SNTG1: variants seen among roughly 807,000 people sequenced by gnomAD.
SNTG1 encodes syntrophin gamma 1, also known as gamma-1-syntrophin.
SNTG1 carries 39 observed loss-of-function variants against 74.7 expected under a neutral mutation model. The observed-to-expected ratio is 0.52, with a 90% CI of 0.40 to 0.68. The LOEUF (loss-of-function observed/expected upper bound fraction) is 0.68. Among genes scored for constraint, SNTG1 ranks in the 30% least tolerant of loss-of-function variants. The pLI, the probability that SNTG1 is intolerant of heterozygous loss-of-function variation, is 0.00. For missense variants in SNTG1, 685 were observed against 609.5 expected, an observed-to-expected ratio of 1.12 and a Z score of -1.30; for synonymous variants, 254 against 217.1, an observed-to-expected ratio of 1.17 and a Z score of -1.49.
At position 50,039,170 on chromosome 8, in the gene SNTG1, A is replaced by AT. The variant is rs537136999; in HGVS notation, c.-103+126941dup. Among the ~76,000 whole-genome samples the AT allele has an allele frequency of 1.1e-4, 16 of 152,186 alleles. 1 individual carries two copies. In the South Asian group the frequency reaches 3.3e-3, roughly 32 times the overall value. On this transcript the variant is annotated intron_variant, in intron 1 of 18. Transcript: ENST00000642720. ...AGTAACTTGTGGAATAAGAGTTCAA[A>AT]TTAGGCTGGGCGTGGTGGCTCATGC...
chr8:50,204,972 A>G (rs557730576), intron 2 of SNTG1, among the ~76,000 whole-genome samples: 58 of 152,246 alleles, frequency 3.8e-4, no homozygotes, highest in Non-Finnish European at 6.9e-4. Context: ...TCTATCATTG[A>G]TGGACATTTG....
At chr8:50,726,645 C>A (rs893553600) in intron 17 of SNTG1, among the ~76,000 whole-genome samples, 2 of 152,092 alleles carry the variant, frequency 1.3e-5, no homozygotes, top group African/African-American at 4.8e-5. Context: ...GTCAGGAGAT[C>A]GAGACCAGCC....
At chr8:50,068,581 C>T (rs552563304) in intron 1 of SNTG1, among the ~76,000 whole-genome samples, 2 of 152,316 alleles carry the variant, frequency 1.3e-5, no homozygotes, top group African/African-American at 4.8e-5. Context: ...CTAGGTTTTC[C>T]AGTCGCATGG....
chr8:50,003,672 T>C (rs1814954241), intron 1 of SNTG1, among the ~76,000 whole-genome samples: 2 of 152,194 alleles, frequency 1.3e-5, no homozygotes, highest in Non-Finnish European at 2.9e-5. Flanking sequence ...ATTTTTTCTG[T>C]TGTAATTACT....
intron 8 of SNTG1, among the ~76,000 whole-genome samples, chr8:50,473,006 C>T (rs2093665501): frequency 8.5e-5 from 13 of 152,130 alleles, no homozygotes; most frequent in Admixed American, 8.5e-4. Flanking sequence ...AGGAATGCCA[C>T]TATTAAAAAC....
intron 18 of SNTG1, among the ~76,000 whole-genome samples, chr8:50,771,928 G>T (rs973379281): frequency 1.3e-5 from 2 of 152,118 alleles, no homozygotes; most frequent in Non-Finnish European, 2.9e-5. Context: ...CCTGCAAAAT[G>T]TGAGAGCTAT....
chr8:50,342,229 C>G (rs766413161), intron 2 of SNTG1, among the ~76,000 whole-genome samples: 7 of 152,000 alleles, frequency 4.6e-5, no homozygotes, highest in Non-Finnish European at 1.0e-4. Context: ...TATCATGCAC[C>G]CTTTTAACAT....
intron 1 of SNTG1, among the ~76,000 whole-genome samples, chr8:50,013,337 A>G (rs1815996081): frequency 6.6e-6 from 1 of 152,144 alleles, no homozygotes; most frequent in Non-Finnish European, 1.5e-5. Flanking sequence ...TTTTATTTGC[A>G]TTTGAATTTC....
At chr8:50,076,371 T>G (rs780046357) in intron 1 of SNTG1, among the ~76,000 whole-genome samples, 6 of 152,206 alleles carry the variant, frequency 3.9e-5, no homozygotes, top group Non-Finnish European at 7.4e-5. Context: ...TATTAATGTT[T>G]AAGGTTGGAC....
chr8:50,482,416 G>C (rs1171691096), intron 8 of SNTG1, among the ~76,000 whole-genome samples: 2 of 152,124 alleles, frequency 1.3e-5, no homozygotes, highest in Non-Finnish European at 2.9e-5. Flanking sequence ...CTTTGCAAAG[G>C]AAATGTTTGT....
chr8:49,990,500 G>A lies in SNTG1; in HGVS notation c.-103+78269G>A, dbSNP rs115417315. ...ATCCCCTAAAAGAACAATGTTAGAG[G>A]CCTCACAATTTCTTACTTCTTGTAT... On this transcript the variant is annotated intron_variant, in intron 1 of 18. Coordinates refer to ENST00000642720, the MANE Select transcript of SNTG1 (RefSeq NM_018967.5). Among the ~76,000 whole-genome samples, 8 of 151,934 alleles carry A rather than the reference G, an allele frequency of 5.3e-5. No individual in the cohort carries two copies. The East Asian group carries it at 1.4e-3, about 26-fold the overall frequency.
chr8:50,159,207 T>G (rs1429159822), intron 1 of SNTG1, among the ~76,000 whole-genome samples: 1 of 152,152 alleles, frequency 6.6e-6, no homozygotes, highest in Non-Finnish European at 1.5e-5. Flanking sequence ...AAATATTCCT[T>G]TTTTTTCACT....
At chr8:50,492,142 G>A (rs1011158121) in intron 8 of SNTG1, among the ~76,000 whole-genome samples, 1 of 152,134 alleles carries the variant, frequency 6.6e-6, no homozygotes, top group Non-Finnish European at 1.5e-5. Context: ...TCATTGATGG[G>A]CATTTGGATT....
At chr8:50,523,761 G>C (rs1478995494) in intron 9 of SNTG1, among the ~76,000 whole-genome samples, 1 of 152,134 alleles carries the variant, frequency 6.6e-6, no homozygotes, top group Non-Finnish European at 1.5e-5. Context: ...GTGATGCAGA[G>C]ACACAAAGTG....
At chr8:50,057,706 T>C (rs1432417000) in intron 1 of SNTG1, among the ~76,000 whole-genome samples, 4 of 152,106 alleles carry the variant, frequency 2.6e-5, no homozygotes, top group African/African-American at 7.2e-5. Flanking sequence ...TCCTCCTCTG[T>C]CTTTAGAGTC....
chr8:50,561,795 C>T (rs1020904870), intron 12 of SNTG1, among the ~76,000 whole-genome samples: 2 of 152,174 alleles, frequency 1.3e-5, no homozygotes, highest in African/African-American at 2.4e-5. Flanking sequence ...GTCATTATCA[C>T]ATTATTCCAT....
chr8:50,014,954 C>T (rs1034268994), intron 1 of SNTG1, among the ~76,000 whole-genome samples: 2 of 151,418 alleles, frequency 1.3e-5, no homozygotes, highest in African/African-American at 2.4e-5. Flanking sequence ...TCTAAATTGT[C>T]CAGTTTTCAA....
At chr8:50,057,005 T>C (rs1297325072) in intron 1 of SNTG1, among the ~76,000 whole-genome samples, 1 of 152,202 alleles carries the variant, frequency 6.6e-6, no homozygotes, top group Non-Finnish European at 1.5e-5. Context: ...AACCTAAGTA[T>C]ATTGTTGCAA....
At chr8:50,363,947 A>G (rs1219369507) in intron 2 of SNTG1, among the ~76,000 whole-genome samples, 1 of 152,176 alleles carries the variant, frequency 6.6e-6, no homozygotes, top group African/African-American at 2.4e-5. Flanking sequence ...GCCAGATGGC[A>G]GAGATACACG....
Sources: gnomAD v4.1 joint callset for allele counts (sites outside exome capture counted in the v4.1 genomes callset) on GRCh38, gnomAD v4.1.1 for gene constraint, MANE v1.5 for transcripts, NCBI Gene and HGNC (gene_info 2026-07-23, HGNC 2026-07-21) for gene names.